CLEC16A: variants seen among roughly 807,000 people sequenced by gnomAD.
CLEC16A encodes the protein C-type lectin domain containing 16A.
A neutral mutation model predicts 109.5 loss-of-function variants in CLEC16A; 51 were observed. The observed-to-expected ratio is 0.47, with a 90% CI of 0.37 to 0.59. The LOEUF is 0.59. Among genes scored for constraint, CLEC16A ranks in the 20% least tolerant of loss-of-function variants. The pLI, the probability that CLEC16A is intolerant of heterozygous loss-of-function variation, is 0.00. For missense variants in CLEC16A, 1,339 were observed against 1,394.0 expected, an observed-to-expected ratio of 0.96 and a Z score of 0.63; for synonymous variants, 673 against 564.2, an observed-to-expected ratio of 1.19 and a Z score of -2.73.
intron 20 of CLEC16A, among the ~76,000 whole-genome samples, chr16:11,122,005 A>G (rs562871107): frequency 4.3e-4 from 65 of 151,714 alleles, no homozygotes; most frequent in African/African-American, 1.5e-3. Context: ...CCCCTCTGCC[A>G]TACCCCTTGT....
chr16:11,008,533 C>G (rs1430668503), intron 11 of CLEC16A, among the ~76,000 whole-genome samples: 1 of 152,104 alleles, frequency 6.6e-6, no homozygotes, highest in African/African-American at 2.4e-5. Flanking sequence ...TCAGGACTCT[C>G]CTGGCCCACA....
intron 10 of CLEC16A, among the ~76,000 whole-genome samples, chr16:10,991,197 G>A (rs762113420): frequency 1.3e-5 from 2 of 152,078 alleles, no homozygotes; most frequent in African/African-American, 2.4e-5. Flanking sequence ...GGCAATGCTC[G>A]GAGGCTGGAG....
rs1243909814 is a variant in CLEC16A, at chr16:10,947,128, G to A, written c.80+2331G>A. On this transcript the variant is annotated intron_variant, in intron 1 of 23. Transcript: ENST00000409790. Reference sequence around the variant, plus strand: ...ATCGGATGCTTCTTTGGAAACCCAAGTTGCCTGCCCTGAATCAGGCAGATC... The same window carrying A: ...ATCGGATGCTTCTTTGGAAACCCAAATTGCCTGCCCTGAATCAGGCAGATC... Among the ~76,000 whole-genome samples the A allele has an allele frequency of 2.0e-5, 3 of 152,350 alleles. No individual in the cohort carries two copies. In the East Asian group the frequency reaches 5.8e-4, roughly 29 times the overall value.
chr16:11,021,301 A>G (rs2046084707), intron 12 of CLEC16A, among the ~76,000 whole-genome samples: 1 of 152,242 alleles, frequency 6.6e-6, no homozygotes, highest in Non-Finnish European at 1.5e-5. Context: ...TTGCTAAATA[A>G]AAAAACAGTG....
At chr16:11,070,667 G>T (rs761606014) in intron 19 of CLEC16A, 2 of 152,158 alleles carry the variant, frequency 1.3e-5, no homozygotes, top group East Asian at 1.9e-4. Context: ...TCCCATGCCA[G>T]TCTGAATAAA....
intron 19 of CLEC16A, among the ~76,000 whole-genome samples, chr16:11,068,932 A>AGCCTCCCG (rs1346971033): frequency 6.6e-6 from 1 of 151,664 alleles, no homozygotes; most frequent in African/African-American, 2.4e-5. Flanking sequence ...CTCATGTGTC[A>AGCCTCCCG]GCCTCCCGAG....
chr16:10,954,964 G>C lies in CLEC16A; in HGVS notation c.81-2818G>C, dbSNP rs554419712. ...CCAAGCCTGCTTCTGTTGAGCCCTT[G>C]CTCTGTGCCAGGCGCTGTGCTTGGC... On this transcript the variant is annotated intron_variant, in intron 1 of 23. Coordinates refer to ENST00000409790, the MANE Select transcript of CLEC16A (RefSeq NM_015226.3). The surrounding 1 kb of genome is among the most constrained non-coding windows in gnomAD (Gnocchi z 4.2). Among the ~76,000 whole-genome samples the C allele has an allele frequency of 7.6e-4, 116 of 152,346 alleles. No homozygotes were observed. The highest frequency in any genetic ancestry group is 2.6e-3 in the African/African-American group (110 of 41,576).
intron 13 of CLEC16A, among the ~76,000 whole-genome samples, chr16:11,032,289 A>G (rs1192689058): frequency 2.6e-5 from 4 of 152,174 alleles, no homozygotes; most frequent in Admixed American, 2.6e-4. Flanking sequence ...AGGGGGTGGC[A>G]CAGGCAGCGA....
chr16:11,155,536 T>C (rs969899940), intron 22 of CLEC16A, among the ~76,000 whole-genome samples: 20 of 152,252 alleles, frequency 1.3e-4, no homozygotes, highest in Non-Finnish European at 1.9e-4. Context: ...CAGAGCCCTG[T>C]CCACTTAACA....
intron 13 of CLEC16A, chr16:11,026,909 C>G: frequency 1.2e-6 from 1 of 862,664 alleles, no homozygotes; most frequent in African/African-American, 1.7e-5. Flanking sequence ...TGAACGCTGA[C>G]TGGGTCCTCC....
chr16:10,992,732 C>T (rs1266845092), intron 10 of CLEC16A, among the ~76,000 whole-genome samples: 3 of 151,958 alleles, frequency 2.0e-5, no homozygotes, highest in Non-Finnish European at 4.4e-5. Context: ...CTACAAGTTG[C>T]AGGCAGGTGC....
At position 11,044,452 on chromosome 16, in the gene CLEC16A, T is replaced by C. The variant is rs557852899; in HGVS notation, c.1815+380T>C. On this transcript the variant is annotated intron_variant, in intron 16 of 23. Coordinates refer to ENST00000409790, the MANE Select transcript of CLEC16A (RefSeq NM_015226.3). ...ATGCTTACACATATAAAATTACTTA[T>C]GAATTACATATGAATTTATGAACCA... 3.3e-5 allele frequency among the ~76,000 whole-genome samples: 5 copies of C among 152,370 alleles called. No homozygotes were observed. The East Asian group carries it at 7.7e-4, about 23-fold the overall frequency.
chr16:11,044,605 G>C (rs1354435226), intron 16 of CLEC16A, among the ~76,000 whole-genome samples: 1 of 152,154 alleles, frequency 6.6e-6, no homozygotes, highest in South Asian at 2.1e-4. Context: ...AATTTGCAGA[G>C]CTTTGTCTTC....
At chr16:10,979,268 T>C (rs2043187095) in intron 8 of CLEC16A, 61 bp from the exon 9 acceptor site, 1 of 1,511,818 alleles carries the variant, frequency 6.6e-7, no homozygotes, top group Non-Finnish European at 9.0e-7. Context: ...GCTTTGTGTA[T>C]TTTGTGCTGC....
At chr16:11,077,917 T>C (rs1356777615) in intron 19 of CLEC16A, among the ~76,000 whole-genome samples, 2 of 151,554 alleles carry the variant, frequency 1.3e-5, no homozygotes, top group Non-Finnish European at 2.9e-5. Flanking sequence ...CTAGGAGTTA[T>C]GACTAGCCTG....
chr16:11,036,170 G>A (rs1425681923), intron 13 of CLEC16A: 1 of 152,446 alleles, frequency 6.6e-6, no homozygotes, highest in Non-Finnish European at 1.5e-5. Context: ...CAGTCAGCCA[G>A]GGCACAACCA....
chr16:11,068,360 G>A (rs2048878352), intron 19 of CLEC16A, among the ~76,000 whole-genome samples: 1 of 152,178 alleles, frequency 6.6e-6, no homozygotes, highest in Non-Finnish European at 1.5e-5. Flanking sequence ...TTAAAATCAG[G>A]ATATTTTATC....
chr16:11,161,594 G>A (rs574435492), intron 22 of CLEC16A, among the ~76,000 whole-genome samples: 1 of 152,262 alleles, frequency 6.6e-6, no homozygotes, highest in South Asian at 2.1e-4. Flanking sequence ...ATATCTGGGG[G>A]TTCCAGCTTC....
chr16:11,095,392 A>C (rs1344901491), intron 19 of CLEC16A, among the ~76,000 whole-genome samples: 1 of 152,098 alleles, frequency 6.6e-6, no homozygotes, highest in Non-Finnish European at 1.5e-5. Context: ...TTTCACCTTG[A>C]TCAGTCCTGA....
Sources: allele counts gnomAD v4.1 joint callset (sites outside exome capture counted in the v4.1 genomes callset), GRCh38; gene constraint gnomAD v4.1.1; non-coding constraint Gnocchi (gnomAD v3.1); transcripts MANE v1.5; gene names NCBI Gene and HGNC (gene_info 2026-07-23, HGNC 2026-07-21).